The following ZNF681 variants were observed in gnomAD, a reference collection of about 807,000 sequenced individuals.
ZNF681 encodes the protein zinc finger protein 681.
Under a neutral mutation model 56.0 loss-of-function variants are expected in ZNF681, and 37 were observed. That is an observed-to-expected ratio of 0.66 (90% confidence interval 0.51 to 0.87). The LOEUF (loss-of-function observed/expected upper bound fraction) is 0.87. Among genes scored for constraint, ZNF681 ranks in the 40% least tolerant of loss-of-function variants. The pLI is 0.00. For missense variants in ZNF681, 741 were observed against 744.9 expected (o/e 0.99, Z 0.06); for synonymous variants, 225 against 248.6 (o/e 0.91, Z 0.89).
At position 23,758,869 on chromosome 19, in the gene ZNF681, G is replaced by C. The variant is rs1278592999; in HGVS notation, c.-120C>G. The stretch of plus-strand genomic sequence containing the variant: ...CACAGAGCAGTGAAGACGAGACCCG[G>C]AGCTCGGGCTGAAGGGAGAGACAAA... On this transcript the variant is annotated 5_prime_UTR_variant, in exon 1 of 4. Transcript: ENST00000402377. 2.8e-6 allele frequency: 4 copies of C among 1,414,966 alleles called. No homozygotes were observed. The highest frequency in any genetic ancestry group is 3.9e-6 in the Non-Finnish European group (4 of 1,024,416). The allele number at this position is 1,414,966 out of a possible 1,614,324, so 87.7% of individuals were successfully genotyped here.
chr19:23,744,335 C>G lies in ZNF681; in HGVS notation c.1215G>C (p.Lys405Asn). Residue 405 changes from lysine (K) to asparagine (N), a missense_variant, in exon 4 of 4, where the codon AAG becomes AAC. Lys to Asn is a moderately conservative substitution (Grantham distance 94). Transcript: ENST00000402377. The stretch of plus-strand genomic sequence containing the variant: ...TCTTATGTCTAGTAAGGTGTGAGGA[C>G]TTGTTAAAAGCTTTGCCACATTCTT... ...KCEECGKAFN[K>N]SSHLTRHKSI... 6.2e-7 allele frequency: 1 copy of G among 1,612,612 alleles called. No homozygotes were observed. The highest frequency in any genetic ancestry group is 8.5e-7 in the Non-Finnish European group (1 of 1,179,620).
rs1299180723 is a variant in ZNF681 at position 23,743,431 on chromosome 19, T to A, written c.*181A>T. The A allele has an allele frequency of 5.3e-5, 26 of 494,824 alleles. No individual in the cohort carries two copies. The highest frequency in any genetic ancestry group is 8.5e-5 in the Non-Finnish European group (25 of 294,150). The allele number at this position is 494,824 out of a possible 1,614,324, so 30.7% of individuals were successfully genotyped here. ...ATGTGAACAGATATTAATGGCTTTTTCACATTCTGTATATTTGAAATTTTT... is the reference window on the plus strand; with the variant it reads ...ATGTGAACAGATATTAATGGCTTTTACACATTCTGTATATTTGAAATTTTT... On this transcript the variant is annotated 3_prime_UTR_variant, in exon 4 of 4. Coordinates refer to ENST00000402377, the MANE Select transcript of ZNF681 (RefSeq NM_138286.3).
In ZNF681 at chr19:23,741,891, GA is replaced by G. The variant is rs1968878696; in HGVS notation, c.*1720del. 1 of 151,568 alleles carries G rather than the reference GA, an allele frequency of 6.6e-6. No homozygotes were observed. The highest frequency in any genetic ancestry group is 2.4e-5 in the African/African-American group (1 of 41,254). 9.4% of individuals were successfully genotyped at this position (151,568 alleles called of 1,614,324 possible). ...CATACTATGTACCCACAAAAATTAAGAAAAATAAGTTTAAATAAGAAAAAAT... is the reference window on the plus strand; with the variant it reads ...CATACTATGTACCCACAAAAATTAAGAAAATAAGTTTAAATAAGAAAAAAT... On this transcript the variant is annotated 3_prime_UTR_variant, in exon 4 of 4. Coordinates refer to ENST00000402377, the MANE Select transcript of ZNF681 (RefSeq NM_138286.3).
intron 3 of ZNF681, among the ~76,000 whole-genome samples, chr19:23,749,203 T>C (rs1818985): frequency 0.98 from 148,941 of 152,238 alleles, 72,954 homozygotes; most frequent in Middle Eastern, 1. Context: ...CTTCGAGAAT[T>C]ATTATGTCAC....
At chr19:23,757,681 G>T (rs925269070) in intron 1 of ZNF681, among the ~76,000 whole-genome samples, 1 of 151,986 alleles carries the variant, frequency 6.6e-6, no homozygotes, top group African/African-American at 2.4e-5. Context: ...CCAAAACTCC[G>T]ATCTCCAAAA....
At position 23,758,826 on chromosome 19, in the gene ZNF681, G is replaced by A. The variant is rs1327879688; in HGVS notation, c.-77C>T. On this transcript the variant is annotated 5_prime_UTR_variant, in exon 1 of 4. Coordinates refer to ENST00000402377, the MANE Select transcript of ZNF681 (RefSeq NM_138286.3). ...CAGGTCAGAGGGCCATAGAGGCTGG[G>A]CCTCTAGAAGAAGAGGACACAGAGC... The A allele has an allele frequency of 1.9e-6, 3 of 1,597,530 alleles. No homozygotes were observed. Among genetic ancestry groups the A allele is most frequent in the East Asian group, 4.5e-5 (2 of 44,796 alleles).
In ZNF681 at chr19:23,744,745, T is replaced by C. The variant is rs147197286; in HGVS notation, c.805A>G (p.Ile269Val). 5.0e-6 allele frequency: 8 copies of C among 1,613,448 alleles called. No homozygotes were observed. In the African/African-American group the frequency reaches 6.7e-5, roughly 13 times the overall value. ...GTATGAATTATTGTATGTGTTGTAA[T>C]GTGTGACGACAGGTTAAAGGCTTTG... ...CSKAFNLSSH[I>V]TTHTIIHTGE... Residue 269 changes from isoleucine (I) to valine (V), a missense_variant, in exon 4 of 4, where the codon ATT (isoleucine) becomes GTT (valine). Transcript: ENST00000402377.
Position 23,740,162 on chromosome 19 carries a change from TTTTAA to T in ZNF681, c.*3445_*3449del, listed in dbSNP as rs761378707. 1.3e-5 allele frequency: 2 copies of T among 152,184 alleles called. No individual in the cohort carries two copies. The highest frequency in any genetic ancestry group is 1.5e-5 in the Non-Finnish European group (1 of 68,012). 9.4% of individuals were successfully genotyped at this position (152,184 alleles called of 1,614,324 possible). A position where few individuals can be genotyped will look rare whatever the true frequency, so the allele number is the denominator to read the frequency against. ...ATCTGTGGACACTGTATGCTTTTTGTTTTAATTTAACTGATCAGAAAATTATATTG... is the reference window on the plus strand; with the variant it reads ...ATCTGTGGACACTGTATGCTTTTTGTTTTAACTGATCAGAAAATTATATTG... On this transcript the variant is annotated 3_prime_UTR_variant, in exon 4 of 4. Transcript: ENST00000402377.
At chr19:23,750,825 TA>T (rs56245204) in intron 3 of ZNF681, among the ~76,000 whole-genome samples, 1,362 of 128,730 alleles carry the variant, frequency 0.011, 26 homozygotes, top group African/African-American at 0.037. Context: ...ACCGCATCTC[TA>T]AAAAAAAAAA....
chr19:23,757,695 A>G (rs529251167), intron 1 of ZNF681, among the ~76,000 whole-genome samples: 15 of 152,300 alleles, frequency 9.8e-5, no homozygotes, highest in Admixed American at 3.3e-4. Context: ...TCCAAAAATC[A>G]GTTCTATGAG....
chr19:23,756,776 G>A (rs1274107986), intron 1 of ZNF681, among the ~76,000 whole-genome samples: 3 of 151,756 alleles, frequency 2.0e-5, no homozygotes, highest in Non-Finnish European at 4.4e-5. Context: ...AAACCTACAC[G>A]TTCTGCACTT....
Position 23,744,651 on chromosome 19 carries a change from T to C in ZNF681, c.899A>G (p.His300Arg). Residue 300 changes from histidine to arginine, a missense_variant, in exon 4 of 4, where the codon CAT becomes CGT. His to Arg is a conservative substitution (Grantham distance 29). Coordinates refer to ENST00000402377, the MANE Select transcript of ZNF681 (RefSeq NM_138286.3). Reference protein sequence around the residue: ...AFNQSLTLTTHKIIHTREKLN... With the variant: ...AFNQSLTLTTRKIIHTREKLN... Reference sequence around the variant, plus strand: ...TTTCTCTCTGGTATGAATTATCTTATGTGTAGTAAGGGTTAAGGACTGATT... The same window carrying C: ...TTTCTCTCTGGTATGAATTATCTTACGTGTAGTAAGGGTTAAGGACTGATT... The C allele has an allele frequency of 1.3e-6, 2 of 1,596,680 alleles. No individual in the cohort carries two copies. Among genetic ancestry groups the C allele is most frequent in the Non-Finnish European group, 8.6e-7 (1 of 1,167,686 alleles).
intron 3 of ZNF681, 104 bp downstream of exon 3, chr19:23,754,719 T>C (rs780121607): frequency 4.7e-5 from 45 of 960,968 alleles, no homozygotes; most frequent in South Asian, 1.9e-4. Flanking sequence ...ACTATTTCCT[T>C]TGGAATACAG....
chr19:23,756,713 T>C (rs1431129019), intron 1 of ZNF681, among the ~76,000 whole-genome samples: 1 of 151,884 alleles, frequency 6.6e-6, no homozygotes, highest in Non-Finnish European at 1.5e-5. Context: ...AAAACCTAGG[T>C]GATGGGTTGA....
chr19:23,747,416 T>G (rs1275722426), intron 3 of ZNF681, among the ~76,000 whole-genome samples: 4 of 151,602 alleles, frequency 2.6e-5, no homozygotes, highest in East Asian at 1.9e-4. Context: ...GAGGCGGGCG[T>G]ATCACGAGGT....
rs1455745060 is a variant in ZNF681 at position 23,744,555 on chromosome 19, T to C, written c.995A>G (p.His332Arg). 2 of 1,613,824 alleles carry C rather than the reference T, an allele frequency of 1.2e-6. No individual in the cohort carries two copies. The highest frequency in any genetic ancestry group is 1.7e-5 in the Admixed American group (1 of 59,980). ...ACATTTGTAGGGTTTCTCTCCAGTA[T>C]GAATTATCTTATGTCTGGTAAGGTG... ...SSHLTRHKII[H>R]TGEKPYKCEE... is the part of the protein sequence containing the mutation. The change falls in exon 4 of 4, where the codon CAT becomes CGT. Residue 332 changes from histidine to arginine, a missense_variant. His to Arg is a conservative substitution (Grantham distance 29, BLOSUM62 0). Transcript: ENST00000402377.
intron 2 of ZNF681, 106 bp from the exon 3 acceptor site, chr19:23,755,024 A>G: frequency 1.3e-6 from 1 of 748,934 alleles, no homozygotes; most frequent in Non-Finnish European, 2.1e-6. Flanking sequence ...TTGTAAATCA[A>G]TCCCAAAATA....
rs747053451 is a variant in ZNF681 at position 23,743,813 on chromosome 19, T to G, written c.1737A>C (p.Arg579Ser). The G allele has an allele frequency of 6.2e-7, 1 of 1,613,464 alleles. No homozygotes were observed. Among genetic ancestry groups the G allele is most frequent in the Non-Finnish European group, 8.5e-7 (1 of 1,179,784 alleles). The change falls in exon 4 of 4, where the codon AGA becomes AGC. Residue 579 changes from arginine to serine, a missense_variant. Physicochemically the swap from Arg to Ser is moderately radical, Grantham distance 110. Coordinates refer to ENST00000402377, the MANE Select transcript of ZNF681 (RefSeq NM_138286.3). ...TCTCTCCAGTATGAATTCTCTTATGTCTAGTAAGGTGTGAGGACTGGTTAA... is the reference window on the plus strand; with the variant it reads ...TCTCTCCAGTATGAATTCTCTTATGGCTAGTAAGGTGTGAGGACTGGTTAA... ...KAFNQSSHLT[R>S]HKRIHTGEKP... is the part of the protein sequence containing the mutation.
intron 3 of ZNF681, among the ~76,000 whole-genome samples, chr19:23,748,542 G>C (rs6511514): frequency 0.99 from 150,882 of 152,326 alleles, 74,751 homozygotes; most frequent in Middle Eastern, 1. Flanking sequence ...ATACAAAGGG[G>C]TATAGAAGTT....
Sources: gnomAD v4.1 joint callset for allele counts (sites outside exome capture counted in the v4.1 genomes callset) on GRCh38, gnomAD v4.1.1 for gene constraint, MANE v1.5 for transcripts, NCBI Gene and HGNC (gene_info 2026-07-23, HGNC 2026-07-21) for gene names.